The following STPG2 variants were observed in gnomAD, a reference collection of about 807,000 sequenced individuals.
STPG2 encodes the protein sperm tail PG-rich repeat containing 2, also known as sperm-tail PG-rich repeat-containing protein 2.
STPG2 carries 56 observed loss-of-function variants against 54.2 expected under a neutral mutation model. That is an observed-to-expected ratio of 1.03 (90% CI 0.83 to 1.29). The LOEUF (loss-of-function observed/expected upper bound fraction) is 1.29. STPG2 is among the 50% of genes most tolerant of loss of function. STPG2 has a pLI of 0.00. For synonymous variants in STPG2, 200 were observed against 181.8 expected, an observed-to-expected ratio of 1.10 and a Z score of -0.81; for missense variants, 596 against 544.9, an observed-to-expected ratio of 1.09 and a Z score of -0.93.
chr4:97,776,032 G>A (rs1726363921), intron 9 of STPG2, among the ~76,000 whole-genome samples: 1 of 152,100 alleles, frequency 6.6e-6, no homozygotes, highest in Non-Finnish European at 1.5e-5. Flanking sequence ...AAAGTGCTGG[G>A]ATTACATGCA....
At chr4:97,723,332 G>A (rs1369742721) in intron 9 of STPG2, among the ~76,000 whole-genome samples, 7 of 152,026 alleles carry the variant, frequency 4.6e-5, no homozygotes, top group Non-Finnish European at 7.4e-5. Context: ...TCCAAAAGGG[G>A]GGAGGGAGGG....
chr4:97,938,507 CT>C (rs879530643), intron 8 of STPG2, among the ~76,000 whole-genome samples: 2 of 149,280 alleles, frequency 1.3e-5, no homozygotes, highest in Non-Finnish European at 3.0e-5. Context: ...CCACCCACCC[CT>C]GCAGGAACTC....
At chr4:97,909,591 T>C (rs1267977177) in intron 8 of STPG2, among the ~76,000 whole-genome samples, 3 of 152,146 alleles carry the variant, frequency 2.0e-5, no homozygotes, top group Non-Finnish European at 4.4e-5. Flanking sequence ...TGTGACATAT[T>C]AAAAGGATAC....
intron 10 of STPG2, among the ~76,000 whole-genome samples, chr4:97,694,085 T>C (rs888992178): frequency 6.6e-6 from 1 of 151,822 alleles, no homozygotes; most frequent in African/African-American, 2.4e-5. Context: ...ATAGACAATC[T>C]AAGGTCACAC....
chr4:97,443,378 G>C (rs1288087476), intron 4 of STPG2, among the ~76,000 whole-genome samples: 1 of 152,120 alleles, frequency 6.6e-6, no homozygotes, highest in Non-Finnish European at 1.5e-5. Context: ...GGGAATTCTG[G>C]CATCGTGTCA....
rs111932035 is a variant in STPG2 at position 97,988,991 on chromosome 4, A to G, written c.613-7673T>C. On this transcript the variant is annotated intron_variant, in intron 5 of 10. Transcript: ENST00000295268. ...GATAATAATTTGAAAAAAAATTAGGAGAAACTAAAAATTTACGAGAAACTA... is the reference window on the plus strand; with the variant it reads ...GATAATAATTTGAAAAAAAATTAGGGGAAACTAAAAATTTACGAGAAACTA... Among the ~76,000 whole-genome samples the G allele has an allele frequency of 3.5e-3, 530 of 152,330 alleles. 4 individuals carry two copies. The highest frequency in any genetic ancestry group is 0.012 in the African/African-American group (510 of 41,566).
intron 8 of STPG2, among the ~76,000 whole-genome samples, chr4:97,893,751 TTACAAA>T (rs1473446112): frequency 6.6e-6 from 1 of 151,986 alleles, no homozygotes; most frequent in Non-Finnish European, 1.5e-5. Flanking sequence ...CTACATGTAG[TTACAAA>T]TGGTACATTA....
At chr4:97,580,936 G>A (rs913708428) in intron 10 of STPG2, among the ~76,000 whole-genome samples, 4 of 151,950 alleles carry the variant, frequency 2.6e-5, no homozygotes, top group Non-Finnish European at 5.9e-5. Context: ...ATTTTCCTAT[G>A]AGTAAATTCA....
intron 3 of STPG2, among the ~76,000 whole-genome samples, chr4:98,110,967 A>T (rs1739330462): frequency 6.6e-6 from 1 of 152,104 alleles, no homozygotes. Flanking sequence ...CCCGACTCCA[A>T]AATTTTAAAA....
chr4:97,644,927 CT>C (rs1721867822), intron 10 of STPG2, among the ~76,000 whole-genome samples: 2 of 151,938 alleles, frequency 1.3e-5, no homozygotes, highest in South Asian at 4.1e-4. Context: ...ATTTTGGATG[CT>C]GTTATTTTTT....
intron 10 of STPG2, among the ~76,000 whole-genome samples, chr4:97,581,201 G>A (rs1232665757): frequency 6.6e-6 from 1 of 151,956 alleles, no homozygotes; most frequent in African/African-American, 2.4e-5. Context: ...TCAACTGACA[G>A]GTAATAAGAA....
At chr4:97,822,888 C>A (rs1578594929) in intron 9 of STPG2, among the ~76,000 whole-genome samples, 2 of 152,110 alleles carry the variant, frequency 1.3e-5, no homozygotes, top group Admixed American at 6.5e-5. Context: ...TTTGAGTGGT[C>A]TAAATTAAAT....
chr4:98,057,801 G>A (rs1737524807), intron 5 of STPG2, among the ~76,000 whole-genome samples: 1 of 152,156 alleles, frequency 6.6e-6, no homozygotes, highest in South Asian at 2.1e-4. Flanking sequence ...AAGGCAGCTA[G>A]AGAGAAAAGT....
intron 9 of STPG2, among the ~76,000 whole-genome samples, chr4:97,801,089 T>C (rs1485275035): frequency 7.9e-5 from 12 of 152,160 alleles, no homozygotes; most frequent in Admixed American, 5.9e-4. Context: ...TCACAGCTTC[T>C]CTTGGCTAGG....
At chr4:97,713,623 GTTCGAGC>G (rs1470654669) in intron 9 of STPG2, among the ~76,000 whole-genome samples, 2 of 152,184 alleles carry the variant, frequency 1.3e-5, no homozygotes, top group African/African-American at 4.8e-5. Context: ...TCAGGATAGC[GTTCGAGC>G]TCCTATGAGA....
intron 4 of STPG2, among the ~76,000 whole-genome samples, chr4:97,451,750 T>A (rs900002049): frequency 1.3e-5 from 2 of 152,214 alleles, no homozygotes; most frequent in Non-Finnish European, 2.9e-5. Flanking sequence ...ATAGTGGAAT[T>A]GAGAGACTCT....
At chr4:97,767,943 A>G (rs958763942) in intron 9 of STPG2, among the ~76,000 whole-genome samples, 10 of 152,134 alleles carry the variant, frequency 6.6e-5, no homozygotes, top group Admixed American at 4.6e-4. Context: ...CAAGGCGGGC[A>G]GATCACCAGG....
chr4:98,066,666 G>A (rs1329989622), intron 5 of STPG2, among the ~76,000 whole-genome samples: 1 of 152,094 alleles, frequency 6.6e-6, no homozygotes, highest in Non-Finnish European at 1.5e-5. Context: ...ATCTTAATCT[G>A]TAGGAACACT....
chr4:97,472,009 T>C (rs1729948219), intron 4 of STPG2, among the ~76,000 whole-genome samples: 2 of 152,156 alleles, frequency 1.3e-5, no homozygotes, highest in African/African-American at 4.8e-5. Flanking sequence ...TTGAGAACAT[T>C]TATGTGCATA....
Sources: allele counts gnomAD v4.1 joint callset (sites outside exome capture counted in the v4.1 genomes callset), GRCh38; gene constraint gnomAD v4.1.1; transcripts MANE v1.5; gene names NCBI Gene and HGNC (gene_info 2026-07-23, HGNC 2026-07-21).